ST6GALNAC3: variants seen among roughly 807,000 people sequenced by gnomAD.
ST6GALNAC3 encodes the protein alpha-N-acetylgalactosaminide alpha-2,6-sialyltransferase 3.
Under a neutral mutation model 32.7 loss-of-function variants are expected in ST6GALNAC3, and 25 were observed. That is an observed-to-expected ratio of 0.76 (90% confidence interval 0.56 to 1.07). ST6GALNAC3 has a LOEUF of 1.07. Among genes scored for constraint, ST6GALNAC3 ranks in the 50% least tolerant of loss-of-function variants. The pLI is 0.00. For missense variants in ST6GALNAC3, 355 were observed against 382.4 expected, an observed-to-expected ratio of 0.93 and a Z score of 0.60; for synonymous variants, 129 against 133.1, an observed-to-expected ratio of 0.97 and a Z score of 0.21.
chr1:76,184,658 C>T (rs1025079838), intron 1 of ST6GALNAC3, among the ~76,000 whole-genome samples: 1 of 152,016 alleles, frequency 6.6e-6, no homozygotes, highest in Non-Finnish European at 1.5e-5. Flanking sequence ...TTTGAGATCA[C>T]TGGGAGCAAA....
Position 76,412,421 on chromosome 1 carries a change from A to G in ST6GALNAC3, c.623+4A>G. 6.3e-7 allele frequency: 1 copy of G among 1,584,410 alleles called. No homozygotes were observed. On this transcript the variant is annotated splice_donor_region_variant and intron_variant, in intron 3 of 4. Transcript: ENST00000328299. The stretch of plus-strand genomic sequence containing the variant: ...AGAAGGAAACTGGGAAGGACAGGTG[A>G]GCCCTCTCTGAAGCAGCTTTATTGT...
chr1:76,120,771 T>C (rs1648823501), intron 1 of ST6GALNAC3, among the ~76,000 whole-genome samples: 1 of 152,182 alleles, frequency 6.6e-6, no homozygotes, highest in Non-Finnish European at 1.5e-5. Flanking sequence ...GTAAATGGCA[T>C]CCCAGGGAAC....
At chr1:76,235,478 G>A (rs982063561) in intron 1 of ST6GALNAC3, among the ~76,000 whole-genome samples, 5 of 152,100 alleles carry the variant, frequency 3.3e-5, no homozygotes, top group African/African-American at 1.2e-4. Flanking sequence ...CTGCACTCCA[G>A]CCTGGGCAAC....
chr1:76,100,159 C>T (rs1217175954), intron 1 of ST6GALNAC3, among the ~76,000 whole-genome samples: 1 of 152,098 alleles, frequency 6.6e-6, no homozygotes, highest in African/African-American at 2.4e-5. Context: ...CTTTGGATTT[C>T]TACATCCACA....
At chr1:76,356,153 G>C (rs1428537396) in intron 2 of ST6GALNAC3, among the ~76,000 whole-genome samples, 1 of 151,874 alleles carries the variant, frequency 6.6e-6, no homozygotes, top group African/African-American at 2.4e-5. Flanking sequence ...AATCATCTTT[G>C]ATTTTCCTCT....
intron 3 of ST6GALNAC3, among the ~76,000 whole-genome samples, chr1:76,514,738 T>C (rs1662073168): frequency 6.6e-6 from 1 of 152,160 alleles, no homozygotes; most frequent in East Asian, 1.9e-4. Flanking sequence ...TAAATAAACC[T>C]TTTTTCTTTA....
At chr1:76,181,012 CACTGTAACATACACCCA>C (rs1217791205) in intron 1 of ST6GALNAC3, among the ~76,000 whole-genome samples, 4 of 152,230 alleles carry the variant, frequency 2.6e-5, no homozygotes, top group African/African-American at 9.6e-5. Flanking sequence ...TAAAAGAACA[CACTGTAACATACACCCA>C]ACTGGGCTCC....
At chr1:76,162,483 C>T (rs1013754275) in intron 1 of ST6GALNAC3, among the ~76,000 whole-genome samples, 8 of 152,232 alleles carry the variant, frequency 5.3e-5, no homozygotes, top group East Asian at 1.9e-4. Context: ...TGTTGCAGGA[C>T]GCGGGTGAGT....
At chr1:76,273,125 T>G (rs766584033) in intron 1 of ST6GALNAC3, among the ~76,000 whole-genome samples, 20 of 152,180 alleles carry the variant, frequency 1.3e-4, no homozygotes, top group Non-Finnish European at 2.6e-4. Context: ...AGGTATTGCC[T>G]GGGAAAGGAT....
chr1:76,457,972 C>T (rs1327616625), intron 3 of ST6GALNAC3, among the ~76,000 whole-genome samples: 28 of 149,514 alleles, frequency 1.9e-4, no homozygotes, highest in East Asian at 6.0e-4. Flanking sequence ...AGAAAATTTT[C>T]GCAACCTACT....
chr1:76,295,061 T>C (rs1175083459), intron 1 of ST6GALNAC3, among the ~76,000 whole-genome samples: 2 of 151,574 alleles, frequency 1.3e-5, no homozygotes, highest in Non-Finnish European at 2.9e-5. Flanking sequence ...AAGGAAGAGC[T>C]CTGTTAAGCA....
rs77040818 is a variant in ST6GALNAC3 at position 76,261,977 on chromosome 1, C to A, written c.19-51828C>A. ...AGTTTTACCAAGGAAATGTTTTTCA[C>A]GCGGAAAGAAGACTGAGATGAAACT... On this transcript the variant is annotated intron_variant, in intron 1 of 4. Coordinates refer to ENST00000328299, the MANE Select transcript of ST6GALNAC3 (RefSeq NM_152996.4). Among the ~76,000 whole-genome samples the A allele has an allele frequency of 1.6e-3, 246 of 152,246 alleles. 2 individuals are homozygous for A. Among genetic ancestry groups the A allele is most frequent in the African/African-American group, 5.6e-3 (233 of 41,550 alleles).
rs575654953 is a variant in ST6GALNAC3, at chr1:76,478,235, A to G, written c.623+65818A>G. The stretch of plus-strand genomic sequence containing the variant: ...AGCCCACATGATGATCTTTAAGTTA[A>G]GTCTCAGCCTATTTAGACTCAGGCT... On this transcript the variant is annotated intron_variant, in intron 3 of 4. Coordinates refer to ENST00000328299, the MANE Select transcript of ST6GALNAC3 (RefSeq NM_152996.4). Among the ~76,000 whole-genome samples, 6 of 152,264 alleles carry G rather than the reference A, an allele frequency of 3.9e-5. No homozygotes were observed. In the South Asian group the frequency reaches 1.2e-3, roughly 32 times the overall value.
At chr1:76,308,345 A>G (rs115385426) in intron 1 of ST6GALNAC3, among the ~76,000 whole-genome samples, 135 of 152,234 alleles carry the variant, frequency 8.9e-4, no homozygotes, top group African/African-American at 3.1e-3. Flanking sequence ...CACTCATTGT[A>G]TCACTTAATA....
chr1:76,475,591 T>C (rs1179213581), intron 3 of ST6GALNAC3, among the ~76,000 whole-genome samples: 7 of 152,204 alleles, frequency 4.6e-5, no homozygotes, highest in African/African-American at 1.7e-4. Flanking sequence ...GTAACAAATG[T>C]GTAATATTAT....
intron 3 of ST6GALNAC3, among the ~76,000 whole-genome samples, chr1:76,609,881 C>A (rs1213779666): frequency 6.6e-6 from 1 of 152,132 alleles, no homozygotes; most frequent in East Asian, 1.9e-4. Context: ...TGTATTAAAT[C>A]ATCCTTGCAC....
intron 3 of ST6GALNAC3, among the ~76,000 whole-genome samples, chr1:76,569,912 A>C (rs1020584406): frequency 1.3e-5 from 2 of 152,072 alleles, no homozygotes; most frequent in Non-Finnish European, 2.9e-5. Context: ...ATGTTCATAA[A>C]ATTAAGGAAA....
chr1:76,236,495 T>C (rs1656669285), intron 1 of ST6GALNAC3, among the ~76,000 whole-genome samples: 2 of 152,214 alleles, frequency 1.3e-5, no homozygotes, highest in Non-Finnish European at 2.9e-5. Flanking sequence ...TGATTACTAC[T>C]TGAGAACCTA....
intron 2 of ST6GALNAC3, among the ~76,000 whole-genome samples, chr1:76,376,840 G>A (rs1651274740): frequency 6.6e-6 from 1 of 151,886 alleles, no homozygotes; most frequent in Non-Finnish European, 1.5e-5. Flanking sequence ...CTTCCTCCGG[G>A]TTACTTGAAC....
Sources: gnomAD v4.1 joint callset for allele counts (sites outside exome capture counted in the v4.1 genomes callset) on GRCh38, gnomAD v4.1.1 for gene constraint, MANE v1.5 for transcripts, NCBI Gene and HGNC (gene_info 2026-07-23, HGNC 2026-07-21) for gene names.